TNFRSF8: variants seen among roughly 807,000 people sequenced by gnomAD.
The protein encoded by TNFRSF8 is TNF receptor superfamily member 8.
A neutral mutation model predicts 70.8 loss-of-function variants in TNFRSF8; 26 were observed. The ratio of observed to expected loss-of-function variants is 0.37; its 90% CI spans 0.27 to 0.51. The LOEUF (loss-of-function observed/expected upper bound fraction) is 0.51, where lower values mean the gene tolerates loss of function less well. TNFRSF8 is among the 20% of genes least tolerant of loss of function. The pLI is 0.94. For missense variants in TNFRSF8, 720 were observed against 807.9 expected (o/e 0.89, Z 1.32); for synonymous variants, 356 against 339.2 (o/e 1.05, Z -0.54).
At position 12,138,514 on chromosome 1, in the gene TNFRSF8, A is replaced by G. The variant is rs1642195078; in HGVS notation, c.1543+78A>G. On this transcript the variant is annotated intron_variant, in intron 14 of 14. Coordinates refer to ENST00000263932, the MANE Select transcript of TNFRSF8 (RefSeq NM_001243.5). This position sits in a 1 kb window ranked among gnomAD's most constrained non-coding sequence, Gnocchi z 5.7. ...TGAATACGGGGCCCTGGGCCCTGGA[A>G]GGGACCTGGAGACCCTGGAGTTGAA... 5 of 1,364,654 alleles carry G rather than the reference A, an allele frequency of 3.7e-6. No individual in the cohort carries two copies. The highest frequency in any genetic ancestry group is 1.4e-5 in the South Asian group (1 of 69,000). 84.5% of individuals were successfully genotyped at this position (1,364,654 alleles called of 1,614,324 possible).
chr1:12,096,422 G>GC (rs1641331458), intron 2 of TNFRSF8, among the ~76,000 whole-genome samples: 1 of 77,182 alleles, frequency 1.3e-5, no homozygotes, highest in South Asian at 4.0e-4. Flanking sequence ...TAGCTGATGA[G>GC]CTAAAAAAAA....
chr1:12,109,683 C>T lies in TNFRSF8; in HGVS notation c.512+27C>T. 6.3e-7 allele frequency: 1 copy of T among 1,595,544 alleles called. No individual in the cohort carries two copies. Among genetic ancestry groups the T allele is most frequent in the Non-Finnish European group, 8.6e-7 (1 of 1,164,246 alleles). Reference sequence around the variant, plus strand: ...TGACTCCCTGGCTTTGCCTCCTCCTCTTCCCCCAAGCTGGCTTTCAGATGA... The same window carrying T: ...TGACTCCCTGGCTTTGCCTCCTCCTTTTCCCCCAAGCTGGCTTTCAGATGA... On this transcript the variant is annotated intron_variant, in intron 5 of 14. Coordinates refer to ENST00000263932, the MANE Select transcript of TNFRSF8 (RefSeq NM_001243.5). This position sits in a 1 kb window ranked among gnomAD's most constrained non-coding sequence, Gnocchi z 4.4.
chr1:12,114,043 G>A (rs72641094), intron 7 of TNFRSF8, among the ~76,000 whole-genome samples: 8,177 of 152,242 alleles, frequency 0.054, 279 homozygotes, highest in East Asian at 0.079. Context: ...TCTGGGCCCA[G>A]TAATTCCTTC....
rs745881353 is a variant in TNFRSF8, at chr1:12,143,206, C to G, written c.*675C>G. ...GCTGCCCACCTTCCCTGTCCTGTAGCCCCCTCGGTGGGCCCAGGGCCTAGG... is the reference window on the plus strand; with the variant it reads ...GCTGCCCACCTTCCCTGTCCTGTAGGCCCCTCGGTGGGCCCAGGGCCTAGG... On this transcript the variant is annotated 3_prime_UTR_variant, in exon 15 of 15. Transcript: ENST00000263932. The surrounding 1 kb of genome is among the most constrained non-coding windows in gnomAD (Gnocchi z 4.1). 6.6e-6 allele frequency: 1 copy of G among 152,454 alleles called. No homozygotes were observed. Among genetic ancestry groups the G allele is most frequent in the African/African-American group, 2.4e-5 (1 of 41,436 alleles). The allele number at this position is 152,454 out of a possible 1,614,324, so 9.4% of individuals were successfully genotyped here.
At position 12,138,496 on chromosome 1, in the gene TNFRSF8, G is replaced by GGGGCCCT. The variant is rs1450505619; in HGVS notation, c.1543+70_1543+76dup. 19 of 1,503,690 alleles carry GGGGCCCT rather than the reference G, an allele frequency of 1.3e-5. No homozygotes were observed. In the Admixed American group the frequency reaches 2.8e-4, roughly 22 times the overall value. 93.1% of individuals were successfully genotyped at this position (1,503,690 alleles called of 1,614,324 possible). A position where few individuals can be genotyped will look rare whatever the true frequency, so the allele number is the denominator to read the frequency against. Reference sequence around the variant, plus strand: ...CCAGGGGCAGATGGGAGATGAATACGGGGCCCTGGGCCCTGGAAGGGACCT... The same window carrying GGGGCCCT: ...CCAGGGGCAGATGGGAGATGAATACGGGGCCCTGGGCCCTGGGCCCTGGAAGGGACCT... On this transcript the variant is annotated intron_variant, in intron 14 of 14. Coordinates refer to ENST00000263932, the MANE Select transcript of TNFRSF8 (RefSeq NM_001243.5). This position sits in a 1 kb window ranked among gnomAD's most constrained non-coding sequence, Gnocchi z 5.7.
intron 6 of TNFRSF8, among the ~76,000 whole-genome samples, chr1:12,111,685 T>C (rs1310101022): frequency 6.6e-6 from 1 of 151,938 alleles, no homozygotes; most frequent in Non-Finnish European, 1.5e-5. Flanking sequence ...CAGGGGCTGG[T>C]TGGGGGGCAA....
intron 8 of TNFRSF8, among the ~76,000 whole-genome samples, chr1:12,120,451 AAAAG>A (rs1266112295): frequency 1.3e-5 from 2 of 152,230 alleles, no homozygotes; most frequent in South Asian, 4.1e-4. Flanking sequence ...ATCAACAAGA[AAAAG>A]AAAGGCAATT....
chr1:12,096,516 C>A (rs1284707422), intron 2 of TNFRSF8, among the ~76,000 whole-genome samples: 1 of 151,574 alleles, frequency 6.6e-6, no homozygotes, highest in African/African-American at 2.4e-5. Flanking sequence ...TCAGAGCTGT[C>A]CTGGGCCGAA....
rs1642292061 is a variant in TNFRSF8 at position 12,143,247 on chromosome 1, A to C, written c.*716A>C. ...AGGGCCTAGGGCCCAGGATCAAGTCACTCATCTCAGAATGTCCCCACCAAT... is the reference window on the plus strand; with the variant it reads ...AGGGCCTAGGGCCCAGGATCAAGTCCCTCATCTCAGAATGTCCCCACCAAT... On this transcript the variant is annotated 3_prime_UTR_variant, in exon 15 of 15. Coordinates refer to ENST00000263932, the MANE Select transcript of TNFRSF8 (RefSeq NM_001243.5). The surrounding 1 kb of genome is among the most constrained non-coding windows in gnomAD (Gnocchi z 4.1). The C allele has an allele frequency of 6.6e-6, 1 of 151,296 alleles. No individual in the cohort carries two copies. Among genetic ancestry groups the C allele is most frequent in the Non-Finnish European group, 1.5e-5 (1 of 67,866 alleles). 9.4% of individuals were successfully genotyped at this position (151,296 alleles called of 1,614,324 possible).
chr1:12,139,102 C>T (rs1228881847), intron 14 of TNFRSF8, among the ~76,000 whole-genome samples: 1 of 145,620 alleles, frequency 6.9e-6, no homozygotes, highest in East Asian at 2.4e-4. Flanking sequence ...TGCCTCCTCT[C>T]TTGCTTCTCA....
chr1:12,104,293 C>T, intron 3 of TNFRSF8, 86 bp from the exon 4 acceptor site: 1 of 1,498,508 alleles, frequency 6.7e-7, no homozygotes, highest in Non-Finnish European at 9.3e-7. Flanking sequence ...GCGGACTGCA[C>T]CTGCCCTCTC....
chr1:12,092,103 A>G (rs767096494), intron 2 of TNFRSF8, among the ~76,000 whole-genome samples: 10 of 152,022 alleles, frequency 6.6e-5, no homozygotes, highest in Non-Finnish European at 1.3e-4. Context: ...CAATCTTCAC[A>G]TGGCATTCTC....
intron 1 of TNFRSF8, among the ~76,000 whole-genome samples, chr1:12,082,596 C>T (rs57521567): frequency 0.026 from 3,855 of 149,016 alleles, 147 homozygotes; most frequent in African/African-American, 0.087. Flanking sequence ...CCCACAAAAA[C>T]CCACAAAACA....
rs534580325 is a variant in TNFRSF8, at chr1:12,135,275, C to T, written c.1310-313C>T. Among the ~76,000 whole-genome samples the T allele has an allele frequency of 5.1e-4, 71 of 140,446 alleles. 1 individual carries two copies. Among genetic ancestry groups the T allele is most frequent in the African/African-American group, 1.9e-3 (70 of 37,324 alleles). The allele number at this position is 140,446 out of a possible 152,430, so 92.1% of individuals were successfully genotyped here. A position where few individuals can be genotyped will look rare whatever the true frequency, so the allele number is the denominator to read the frequency against. ...AGGTTACATTGAGCCGAGATCATGC[C>T]ACTGCACTCTAGCCTGGGTGACAGA... On this transcript the variant is annotated intron_variant, in intron 12 of 14. Coordinates refer to ENST00000263932, the MANE Select transcript of TNFRSF8 (RefSeq NM_001243.5).
intron 3 of TNFRSF8, among the ~76,000 whole-genome samples, chr1:12,098,386 A>C (rs1641366188): frequency 6.6e-6 from 1 of 152,206 alleles, no homozygotes; most frequent in Non-Finnish European, 1.5e-5. Flanking sequence ...AGTGTAAGGA[A>C]GAAAACAAAC....
At chr1:12,086,167 G>C (rs1355889272) in intron 2 of TNFRSF8, among the ~76,000 whole-genome samples, 1 of 152,160 alleles carries the variant, frequency 6.6e-6, no homozygotes, top group Admixed American at 6.6e-5. Flanking sequence ...AGGTCAGTCA[G>C]TTCCTAGACT....
At chr1:12,106,094 G>A (rs1363573172) in intron 4 of TNFRSF8, among the ~76,000 whole-genome samples, 3 of 151,914 alleles carry the variant, frequency 2.0e-5, no homozygotes, top group Non-Finnish European at 2.9e-5. Context: ...GGTTCTTGGC[G>A]GGAGGATGAG....
At chr1:12,133,818 C>T (rs917467595) in intron 12 of TNFRSF8, among the ~76,000 whole-genome samples, 6 of 151,178 alleles carry the variant, frequency 4.0e-5, no homozygotes, top group Non-Finnish European at 7.4e-5. Flanking sequence ...TTCGAGAGGC[C>T]GAGGCGGGCA....
In TNFRSF8 at chr1:12,133,738, CAAAAAAAA is replaced by C. The variant is rs34040378; in HGVS notation, c.1310-1833_1310-1826del. On this transcript the variant is annotated intron_variant, in intron 12 of 14. Coordinates refer to ENST00000263932, the MANE Select transcript of TNFRSF8 (RefSeq NM_001243.5). ...CTGGCGACAGAGTTAGACTCCATCT[CAAAAAAAA>C]AAAAAAAAAAAAAAAATTACCCCTG... Among the ~76,000 whole-genome samples, 4 of 90,984 alleles carry C rather than the reference CAAAAAAAA, an allele frequency of 4.4e-5. 1 individual carries two copies. In the South Asian group the frequency reaches 1.1e-3, roughly 26 times the overall value. The allele number at this position is 90,984 out of a possible 152,430, so 59.7% of individuals were successfully genotyped here. A position where few individuals can be genotyped will look rare whatever the true frequency, so the allele number is the denominator to read the frequency against.
Sources: gnomAD v4.1 joint callset for allele counts (sites outside exome capture counted in the v4.1 genomes callset) on GRCh38, gnomAD v4.1.1 for gene constraint, Gnocchi (gnomAD v3.1) non-coding constraint, MANE v1.5 for transcripts, NCBI Gene and HGNC (gene_info 2026-07-23, HGNC 2026-07-21) for gene names.